The following CDK7 variants were observed in gnomAD, a reference collection of about 807,000 sequenced individuals.
CDK7 encodes cyclin-dependent kinase 7.
In CDK7, 25 loss-of-function variants were observed where a neutral mutation model predicts 49.1. The observed-to-expected ratio is 0.51, with a 90% CI of 0.37 to 0.71. CDK7 has a LOEUF of 0.71. CDK7 is among the 30% of genes least tolerant of loss of function. The pLI, the probability that CDK7 is intolerant of heterozygous loss-of-function variation, is 0.00. For missense variants in CDK7, 316 were observed against 411.7 expected, an observed-to-expected ratio of 0.77 and a Z score of 2.01; for synonymous variants, 107 against 140.0, an observed-to-expected ratio of 0.76 and a Z score of 1.67.
At position 69,276,905 on chromosome 5, in the gene CDK7, T is replaced by C. The variant is rs187712855; in HGVS notation, c.1013-202T>C. ...AGCTTTTGTGTATACCTCAGAATTA[T>C]GGGAACTATGTATGTGTACCTTGTT... On this transcript the variant is annotated intron_variant, in intron 11 of 11. Coordinates refer to ENST00000256443, the MANE Select transcript of CDK7 (RefSeq NM_001799.4). Among the ~76,000 whole-genome samples the C allele has an allele frequency of 6.6e-5, 10 of 152,360 alleles. No homozygotes were observed. The East Asian group carries it at 1.5e-3, about 23-fold the overall frequency.
At chr5:69,245,829 C>G (rs1278054687) in intron 2 of CDK7, among the ~76,000 whole-genome samples, 1 of 152,134 alleles carries the variant, frequency 6.6e-6, no homozygotes, top group African/African-American at 2.4e-5. Flanking sequence ...TTTCCAGTTT[C>G]TTGGCGTATA....
At chr5:69,265,264 C>G (rs1277215629) in intron 8 of CDK7, among the ~76,000 whole-genome samples, 1 of 128,682 alleles carries the variant, frequency 7.8e-6, no homozygotes, top group South Asian at 2.5e-4. Flanking sequence ...GACTCCGTCT[C>G]AAAAAATAAA....
At chr5:69,235,695 G>A (rs1748923670) in intron 2 of CDK7, among the ~76,000 whole-genome samples, 1 of 152,202 alleles carries the variant, frequency 6.6e-6, no homozygotes, top group African/African-American at 2.4e-5. Context: ...AAATTCATAT[G>A]TTGTGGGCAA....
chr5:69,264,970 TAA>T, intron 8 of CDK7, among the ~76,000 whole-genome samples: 1 of 118,802 alleles, frequency 8.4e-6, no homozygotes, highest in South Asian at 2.6e-4. Context: ...AAATTCCGTC[TAA>T]AAAAAAAAAG....
At chr5:69,256,863 G>GA (rs918561938) in intron 5 of CDK7, among the ~76,000 whole-genome samples, 72 of 143,228 alleles carry the variant, frequency 5.0e-4, no homozygotes, top group African/African-American at 9.5e-4. Context: ...CTCGAAAAAA[G>GA]AAAAAAAAAA....
intron 2 of CDK7, among the ~76,000 whole-genome samples, chr5:69,236,309 C>T (rs979416693): frequency 6.6e-6 from 1 of 151,480 alleles, no homozygotes; most frequent in Non-Finnish European, 1.5e-5. Flanking sequence ...TTCTTTTAAC[C>T]TTCAAAACAA....
At chr5:69,269,413 C>G (rs570553102) in intron 9 of CDK7, 120 bp downstream of exon 9, 2 of 611,848 alleles carry the variant, frequency 3.3e-6, no homozygotes, top group South Asian at 2.7e-5. Flanking sequence ...AATATGTACT[C>G]AGAACACTTT....
chr5:69,240,993 A>G (rs2150183749), intron 2 of CDK7, among the ~76,000 whole-genome samples: 1 of 152,122 alleles, frequency 6.6e-6, no homozygotes, highest in East Asian at 1.9e-4. Flanking sequence ...TCATTTGTTG[A>G]CAGACGCATA....
chr5:69,257,703 T>G (rs779238178), intron 5 of CDK7, among the ~76,000 whole-genome samples: 8 of 152,212 alleles, frequency 5.3e-5, no homozygotes, highest in Non-Finnish European at 5.9e-5. Context: ...TTAGGTTGAC[T>G]CAGTCCTACC....
At chr5:69,243,046 C>CA (rs532094739) in intron 2 of CDK7, among the ~76,000 whole-genome samples, 4 of 150,222 alleles carry the variant, frequency 2.7e-5, no homozygotes, top group South Asian at 2.1e-4. Flanking sequence ...AACTGTGTCT[C>CA]AAAAAAAAAG....
chr5:69,242,590 G>C (rs112614273), intron 2 of CDK7, among the ~76,000 whole-genome samples: 1 of 152,130 alleles, frequency 6.6e-6, no homozygotes, highest in African/African-American at 2.4e-5. Context: ...TTCTAACCTC[G>C]TGTAATTTTA....
intron 8 of CDK7, among the ~76,000 whole-genome samples, chr5:69,264,981 A>G (rs1751050221): frequency 6.6e-6 from 1 of 151,088 alleles, no homozygotes; most frequent in Admixed American, 6.6e-5. Context: ...AAAAAAAAAA[A>G]GGCCAGGCAC....
At chr5:69,257,880 C>CT (rs1431300972) in intron 5 of CDK7, among the ~76,000 whole-genome samples, 163 bp from the exon 6 acceptor site, 1 of 152,232 alleles carries the variant, frequency 6.6e-6, no homozygotes, top group Non-Finnish European at 1.5e-5. Flanking sequence ...CCCTACCCAT[C>CT]TAACTCTGGA....
chr5:69,256,572 C>G (rs1750504274), intron 5 of CDK7, among the ~76,000 whole-genome samples: 1 of 147,120 alleles, frequency 6.8e-6, no homozygotes, highest in African/African-American at 2.6e-5. Context: ...AACTCTTGAC[C>G]TCTGGCGATC....
In CDK7 at chr5:69,234,975, G is replaced by A. The variant is rs1343470861; in HGVS notation, c.-1G>A. The A allele has an allele frequency of 6.3e-7, 1 of 1,594,092 alleles. No individual in the cohort carries two copies. Among genetic ancestry groups the A allele is most frequent in the African/African-American group, 1.3e-5 (1 of 74,752 alleles). On this transcript the variant is annotated 5_prime_UTR_variant, in exon 1 of 12. Transcript: ENST00000256443. ...GCTGGAGTCGGGCTTTACGGCGCCG[G>A]ATGGCTCTGGACGTGAAGTCTCGGG...
rs575523006 is a variant in CDK7, at chr5:69,236,856, C to T, written c.126+1403C>T. ...TAGTAGAGACAGGGTTTCGCCATGTCGGCCAGGCTGGTCTCGAACTCCTGA... is the reference window on the plus strand; with the variant it reads ...TAGTAGAGACAGGGTTTCGCCATGTTGGCCAGGCTGGTCTCGAACTCCTGA... On this transcript the variant is annotated intron_variant, in intron 2 of 11. Transcript: ENST00000256443. Among the ~76,000 whole-genome samples, 9 of 150,192 alleles carry T rather than the reference C, an allele frequency of 6.0e-5. No individual in the cohort carries two copies. The South Asian group carries it at 1.1e-3, about 18-fold the overall frequency.
chr5:69,259,655 T>G (rs557090660), intron 6 of CDK7, among the ~76,000 whole-genome samples, 163 bp from the exon 7 acceptor site: 1 of 152,218 alleles, frequency 6.6e-6, no homozygotes, highest in African/African-American at 2.4e-5. Flanking sequence ...ACCAATCCAA[T>G]TTTGCTTTGA....
At chr5:69,259,135 ATGT>A (rs1432532063) in intron 6 of CDK7, among the ~76,000 whole-genome samples, 2 of 152,184 alleles carry the variant, frequency 1.3e-5, no homozygotes, top group Admixed American at 6.5e-5. Context: ...TTGTGCTACA[ATGT>A]TGTTGTGGGG....
intron 9 of CDK7, among the ~76,000 whole-genome samples, chr5:69,270,909 T>A (rs1045797972): frequency 6.6e-6 from 1 of 152,246 alleles, no homozygotes; most frequent in African/African-American, 2.4e-5. Flanking sequence ...AATGTGGGGC[T>A]ATTACCAATA....
Sources: allele counts gnomAD v4.1 joint callset (sites outside exome capture counted in the v4.1 genomes callset), GRCh38; gene constraint gnomAD v4.1.1; transcripts MANE v1.5; gene names NCBI Gene and HGNC (gene_info 2026-07-23, HGNC 2026-07-21).